The following CSNK2A1 variants were observed in gnomAD, a reference collection of about 807,000 sequenced individuals.
CSNK2A1 encodes casein kinase II subunit alpha.
CSNK2A1 carries 10 observed loss-of-function variants against 62.9 expected under a neutral mutation model. The ratio of observed to expected loss-of-function variants is 0.16; its 90% confidence interval spans 0.10 to 0.27. The LOEUF (loss-of-function observed/expected upper bound fraction) is 0.27, where lower values mean the gene tolerates loss of function less well. CSNK2A1 is among the 10% of genes least tolerant of loss of function. The pLI, the probability that CSNK2A1 is intolerant of heterozygous loss-of-function variation, is 1.00. For synonymous variants in CSNK2A1, 124 were observed against 167.8 expected (o/e 0.74, Z 2.02); for missense variants, 160 against 492.0 (o/e 0.33, Z 6.38).
chr20:484,114 AC>A (rs1425600675), intron 13 of CSNK2A1, 38 bp from the exon 14 acceptor site: 1 of 1,477,188 alleles, frequency 6.8e-7, no homozygotes, highest in Non-Finnish European at 9.1e-7. Context: ...AAAGACACCA[AC>A]CATGGCAATC....
chr20:495,249 A>G (rs1052325405), intron 8 of CSNK2A1: 40 of 155,914 alleles, frequency 2.6e-4, no homozygotes, highest in Middle Eastern at 3.3e-3. Flanking sequence ...TACAGCTCTC[A>G]TGTAAAAGCA....
chr20:484,694 TTG>T (rs3055006), intron 13 of CSNK2A1, among the ~76,000 whole-genome samples: 47,911 of 146,790 alleles, frequency 0.33, 7,807 homozygotes, highest in East Asian at 0.47. Flanking sequence ...AATCATGTTT[TTG>T]TGTGTGTGTG....
intron 13 of CSNK2A1, among the ~76,000 whole-genome samples, chr20:484,692 T>TGTGTG (rs1568495467): frequency 3.5e-4 from 46 of 129,590 alleles, no homozygotes; most frequent in African/African-American, 1.6e-3. Context: ...CTAATCATGT[T>TGTGTG]TTTGTGTGTG....
chr20:534,638 G>A (rs2019275528), intron 1 of CSNK2A1, among the ~76,000 whole-genome samples: 1 of 152,082 alleles, frequency 6.6e-6, no homozygotes, highest in African/African-American at 2.4e-5. Context: ...CATAAAAGAT[G>A]GCTGTGAAAA....
chr20:512,129 T>A (rs1471455048), intron 2 of CSNK2A1, among the ~76,000 whole-genome samples: 2 of 152,228 alleles, frequency 1.3e-5, no homozygotes, highest in South Asian at 2.1e-4. Flanking sequence ...CCTCAAGGGA[T>A]CCTCCCACCT....
At chr20:518,738 G>C (rs1422789223) in intron 2 of CSNK2A1, among the ~76,000 whole-genome samples, 1 of 117,110 alleles carries the variant, frequency 8.5e-6, no homozygotes, top group Non-Finnish European at 1.8e-5. Flanking sequence ...TTTTTTTTAA[G>C]TAAAGACGGG....
In CSNK2A1 at chr20:476,478, T is replaced by C. The variant is rs1372595625; in HGVS notation, c.*7483A>G. 2 of 152,204 alleles carry C rather than the reference T, an allele frequency of 1.3e-5. No individual in the cohort carries two copies. Among genetic ancestry groups the C allele is most frequent in the Non-Finnish European group, 2.9e-5 (2 of 68,066 alleles). The allele number at this position is 152,204 out of a possible 1,614,324, so 9.4% of individuals were successfully genotyped here. A position where few individuals can be genotyped will look rare whatever the true frequency, so the allele number is the denominator to read the frequency against. On this transcript the variant is annotated 3_prime_UTR_variant, in exon 14 of 14. Coordinates refer to ENST00000217244, the MANE Select transcript of CSNK2A1 (RefSeq NM_177559.3). Reference sequence around the variant, plus strand: ...TGTCACCATGTTGTTCAGTCTGGTTTCAAACTCCTGACCTCAGGTGATCCA... The same window carrying C: ...TGTCACCATGTTGTTCAGTCTGGTTCCAAACTCCTGACCTCAGGTGATCCA...
intron 1 of CSNK2A1, among the ~76,000 whole-genome samples, chr20:531,358 T>C (rs2019208966): frequency 6.6e-6 from 1 of 152,134 alleles, no homozygotes; most frequent in East Asian, 1.9e-4. Context: ...CACGTAAACC[T>C]GGACAACTCT....
rs1266680656 is a variant in CSNK2A1 at position 477,326 on chromosome 20, G to C, written c.*6635C>G. The C allele has an allele frequency of 2.0e-5, 3 of 152,256 alleles. No individual in the cohort carries two copies. The highest frequency in any genetic ancestry group is 7.2e-5 in the African/African-American group (3 of 41,436). The allele number at this position is 152,256 out of a possible 1,614,324, so 9.4% of individuals were successfully genotyped here. A position where few individuals can be genotyped will look rare whatever the true frequency, so the allele number is the denominator to read the frequency against. ...TAATTCTCGTCCTTTGGCCTCCCCAGTAGCTAGGACACAGGCGCACACCAC... is the reference window on the plus strand; with the variant it reads ...TAATTCTCGTCCTTTGGCCTCCCCACTAGCTAGGACACAGGCGCACACCAC... On this transcript the variant is annotated 3_prime_UTR_variant, in exon 14 of 14. Transcript: ENST00000217244.
At chr20:520,558 G>A (rs1054630874) in intron 2 of CSNK2A1, among the ~76,000 whole-genome samples, 3 of 151,968 alleles carry the variant, frequency 2.0e-5, no homozygotes, top group Admixed American at 2.0e-4. Context: ...GGAGTGCAGG[G>A]GCATGATCTC....
At chr20:530,532 G>A (rs1043300967) in intron 1 of CSNK2A1, among the ~76,000 whole-genome samples, 1 of 147,536 alleles carries the variant, frequency 6.8e-6, no homozygotes, top group Non-Finnish European at 1.5e-5. Context: ...GCAATGGCAT[G>A]ATCATAGTTC....
rs1393695379 is a variant in CSNK2A1 at position 488,633 on chromosome 20, A to G, written c.824+45T>C. The G allele has an allele frequency of 3.8e-6, 6 of 1,585,954 alleles. No individual in the cohort carries two copies. The East Asian group carries it at 1.3e-4, about 36-fold the overall frequency. ...AGATCCTAAGTGCCAGTTCACTCTC[A>G]AAGTGCTTAAGCCACAGATGCACAT... On this transcript the variant is annotated intron_variant, in intron 11 of 13. Coordinates refer to ENST00000217244, the MANE Select transcript of CSNK2A1 (RefSeq NM_177559.3).
At chr20:527,237 C>A (rs1034807378) in intron 2 of CSNK2A1, among the ~76,000 whole-genome samples, 1 of 152,066 alleles carries the variant, frequency 6.6e-6, no homozygotes, top group Non-Finnish European at 1.5e-5. Context: ...AATAATTTAT[C>A]AAAACTGATA....
At chr20:533,785 T>C (rs1600416782) in intron 1 of CSNK2A1, among the ~76,000 whole-genome samples, 3 of 152,132 alleles carry the variant, frequency 2.0e-5, no homozygotes, top group Non-Finnish European at 4.4e-5. Flanking sequence ...ATAAATGACA[T>C]AGCAACAGTG....
chr20:523,920 T>C lies in CSNK2A1; in HGVS notation c.-110+4013A>G, dbSNP rs182070702. On this transcript the variant is annotated intron_variant, in intron 2 of 13. Transcript: ENST00000217244. The stretch of plus-strand genomic sequence containing the variant: ...GAACAGAACAGTGGTTGCTAGAGAT[T>C]AGGGGTGGGAGGCTAGGTATGTTAC... 8.7e-5 allele frequency among the ~76,000 whole-genome samples: 13 copies of C among 148,828 alleles called. No homozygotes were observed. In the East Asian group the frequency reaches 2.6e-3, roughly 29 times the overall value.
At chr20:511,694 GTATA>G (rs145379556) in intron 2 of CSNK2A1, among the ~76,000 whole-genome samples, 4 of 106,766 alleles carry the variant, frequency 3.7e-5, no homozygotes, top group African/African-American at 2.1e-4. Flanking sequence ...ATTGCACTGT[GTATA>G]TATATACACA....
intron 8 of CSNK2A1, chr20:492,604 A>G: frequency 2.1e-6 from 1 of 486,180 alleles, no homozygotes; most frequent in Non-Finnish European, 3.7e-6. Flanking sequence ...TAAACTGCTC[A>G]ATGACTAAAA....
intron 11 of CSNK2A1, chr20:488,333 C>T (rs1009657048): frequency 1.3e-5 from 3 of 234,886 alleles, no homozygotes; most frequent in African/African-American, 4.7e-5. Context: ...CATGCATTTT[C>T]TACTTCAATT....
At chr20:525,264 C>T (rs1026562410) in intron 2 of CSNK2A1, among the ~76,000 whole-genome samples, 4 of 151,714 alleles carry the variant, frequency 2.6e-5, no homozygotes. Flanking sequence ...GTAATCCCAG[C>T]ACTTTGGGAG....
Sources: allele counts gnomAD v4.1 joint callset (sites outside exome capture counted in the v4.1 genomes callset), GRCh38; gene constraint gnomAD v4.1.1; transcripts MANE v1.5; gene names NCBI Gene and HGNC (gene_info 2026-07-23, HGNC 2026-07-21).